The following UBN2 variants were observed in gnomAD, a reference collection of about 807,000 sequenced individuals.
UBN2 encodes ubinuclein-2.
UBN2 carries 35 observed loss-of-function variants against 120.2 expected under a neutral mutation model. The ratio of observed to expected loss-of-function variants is 0.29; its 90% CI spans 0.22 to 0.39. The LOEUF is 0.39. Among genes scored for constraint, UBN2 ranks in the 10% least tolerant of loss-of-function variants. The pLI, the probability that UBN2 is intolerant of heterozygous loss-of-function variation, is 1.00. For missense variants in UBN2, 1,693 were observed against 1,663.2 expected (o/e 1.02, Z -0.31); for synonymous variants, 661 against 648.7 (o/e 1.02, Z -0.29).
In UBN2 at chr7:139,279,744, C is replaced by G. The variant is rs112378137; in HGVS notation, c.2067+384C>G. Among the ~76,000 whole-genome samples the G allele has an allele frequency of 8.5e-5, 13 of 152,316 alleles. 2 individuals carry two copies. The highest frequency in any genetic ancestry group is 3.1e-4 in the African/African-American group (13 of 41,580). ...TGCCCTTGGAGGCATTTGGCACTTT[C>G]TACCCATCACTTTATGGTTTCTTTT... is the stretch of plus-strand genomic sequence containing the variant. On this transcript the variant is annotated intron_variant, in intron 13 of 17. Coordinates refer to ENST00000473989, the MANE Select transcript of UBN2 (RefSeq NM_173569.4).
At chr7:139,318,904 G>C in the UBN2 span, among the ~76,000 whole-genome samples, 1 of 152,056 alleles carries the variant, frequency 6.6e-6, no homozygotes, top group African/African-American at 2.4e-5. Flanking sequence ...TTCTCCGGCT[G>C]GTGGCTAAGG....
At chr7:139,323,773 A>G in the UBN2 span, among the ~76,000 whole-genome samples, 1 of 151,912 alleles carries the variant, frequency 6.6e-6, no homozygotes, top group Admixed American at 6.6e-5. Flanking sequence ...TATTTTTGGT[A>G]GAGTTGGGGT....
chr7:139,281,568 A>T (rs945216230), intron 13 of UBN2, among the ~76,000 whole-genome samples: 1 of 152,204 alleles, frequency 6.6e-6, no homozygotes, highest in African/African-American at 2.4e-5. Context: ...TCTTTTATAT[A>T]AATGGGATAA....
chr7:139,294,957 C>G (rs1798068690), intron 17 of UBN2, among the ~76,000 whole-genome samples: 1 of 152,204 alleles, frequency 6.6e-6, no homozygotes, highest in Non-Finnish European at 1.5e-5. Context: ...ACACTGGGCT[C>G]CAGCTTCTCG....
At chr7:139,287,212 GAT>G (rs1370614088) in intron 15 of UBN2, among the ~76,000 whole-genome samples, 1 of 152,094 alleles carries the variant, frequency 6.6e-6, no homozygotes, top group African/African-American at 2.4e-5. Context: ...TAAGTGAAAA[GAT>G]AGCATAAATG....
chr7:139,265,788 C>G (rs998508198), intron 6 of UBN2, among the ~76,000 whole-genome samples: 1 of 152,114 alleles, frequency 6.6e-6, no homozygotes, highest in African/African-American at 2.4e-5. Flanking sequence ...TGGCAGCCAC[C>G]AGAAGCTGGA....
At chr7:139,250,518 G>T (rs117119030) in intron 2 of UBN2, among the ~76,000 whole-genome samples, 1 of 151,714 alleles carries the variant, frequency 6.6e-6, no homozygotes, top group Non-Finnish European at 1.5e-5. Context: ...ACTGGCATGA[G>T]GCACTGCGTC....
rs1164661042 is a variant in UBN2 at position 139,276,159 on chromosome 7, C to G, written c.2024+12C>G. The G allele has an allele frequency of 1.2e-6, 2 of 1,611,132 alleles. No homozygotes were observed. Among genetic ancestry groups the G allele is most frequent in the Middle Eastern group, 1.7e-4 (1 of 5,862 alleles). ...CTTACTTCTGCTCCGTGAGTAAATGCAGACTCCAGATTGCTTCATTTATTC... is the reference window on the plus strand; with the variant it reads ...CTTACTTCTGCTCCGTGAGTAAATGGAGACTCCAGATTGCTTCATTTATTC... On this transcript the variant is annotated intron_variant, in intron 12 of 17. Transcript: ENST00000473989.
At chr7:139,286,571 T>C (rs1797795219) in intron 15 of UBN2, among the ~76,000 whole-genome samples, 1 of 152,246 alleles carries the variant, frequency 6.6e-6, no homozygotes, top group Admixed American at 6.5e-5. Flanking sequence ...CAATACTGTT[T>C]ATGCTTTGTA....
intron 11 of UBN2, among the ~76,000 whole-genome samples, chr7:139,275,659 C>T (rs1006081209): frequency 1.3e-5 from 2 of 152,020 alleles, no homozygotes; most frequent in Non-Finnish European, 2.9e-5. Context: ...ATTGCTCCAT[C>T]TTCTATCAAC....
intron 1 of UBN2, among the ~76,000 whole-genome samples, chr7:139,234,722 A>T (rs527514635): frequency 2.0e-5 from 3 of 152,376 alleles, no homozygotes; most frequent in South Asian, 4.1e-4. Context: ...TCAGTTAACC[A>T]GAACACCCAT....
chr7:139,234,673 T>TA (rs1796116229), intron 1 of UBN2, among the ~76,000 whole-genome samples: 1 of 152,210 alleles, frequency 6.6e-6, no homozygotes, highest in South Asian at 2.1e-4. Context: ...CAATGATTGA[T>TA]ACACAAGAAA....
intron 6 of UBN2, 74 bp downstream of exon 6, chr7:139,261,815 T>A: frequency 1.4e-6 from 2 of 1,455,214 alleles, no homozygotes; most frequent in Non-Finnish European, 1.8e-6. Flanking sequence ...CGTTTGTTTT[T>A]ATTTTCCACA....
intron 3 of UBN2, among the ~76,000 whole-genome samples, chr7:139,255,942 A>G (rs1796752897): frequency 6.6e-6 from 1 of 152,240 alleles, no homozygotes; most frequent in Non-Finnish European, 1.5e-5. Flanking sequence ...AAATTTCACT[A>G]GAACTTTGTG....
intron 15 of UBN2, among the ~76,000 whole-genome samples, chr7:139,287,838 C>T (rs1475502102): frequency 1.3e-5 from 2 of 151,568 alleles, no homozygotes; most frequent in Middle Eastern, 3.4e-3. Context: ...TATAGCTCTC[C>T]AACACTGAAA....
At chr7:139,282,148 G>A (rs1797632576) in intron 14 of UBN2, 93 bp downstream of exon 14, 4 of 1,068,470 alleles carry the variant, frequency 3.7e-6, no homozygotes, top group Non-Finnish European at 4.2e-6. Context: ...ACTTTGATAC[G>A]ACTTTTATGT....
At chr7:139,263,876 T>C (rs1797013051) in intron 6 of UBN2, among the ~76,000 whole-genome samples, 1 of 152,052 alleles carries the variant, frequency 6.6e-6, no homozygotes, top group Non-Finnish European at 1.5e-5. Context: ...GATAACTAAA[T>C]CTAATTTTCT....
chr7:139,311,735 C>T (rs2131103576), downstream of UBN2, among the ~76,000 whole-genome samples: 1 of 152,342 alleles, frequency 6.6e-6, no homozygotes, highest in South Asian at 2.1e-4. Flanking sequence ...GTTTAAAAAT[C>T]TGGTGTAGTT....
the UBN2 span, among the ~76,000 whole-genome samples, chr7:139,321,317 A>G: frequency 1.3e-5 from 2 of 152,162 alleles, no homozygotes; most frequent in African/African-American, 4.8e-5. Flanking sequence ...CCTTCTTCCC[A>G]GGCAGGAGGG....
Sources: gnomAD v4.1 joint callset for allele counts (sites outside exome capture counted in the v4.1 genomes callset) on GRCh38, gnomAD v4.1.1 for gene constraint, MANE v1.5 for transcripts, NCBI Gene and HGNC (gene_info 2026-07-23, HGNC 2026-07-21) for gene names.